Variants in KIAA0319L observed in about 807,000 individuals in gnomAD.
KIAA0319L encodes the protein dyslexia-associated protein KIAA0319-like protein.
A neutral mutation model predicts 120.1 loss-of-function variants in KIAA0319L; 55 were observed. The ratio of observed to expected loss-of-function variants is 0.46; its 90% CI spans 0.37 to 0.57. KIAA0319L has a LOEUF of 0.57. KIAA0319L is among the 20% of genes least tolerant of loss of function. The pLI is 0.00. For synonymous variants in KIAA0319L, 398 were observed against 471.9 expected, an observed-to-expected ratio of 0.84 and a Z score of 2.03; for missense variants, 1,049 against 1,255.3, an observed-to-expected ratio of 0.84 and a Z score of 2.48.
In KIAA0319L at chr1:35,453,646, C is replaced by T. The variant is rs977424325; in HGVS notation, c.1824G>A (p.Glu608=). Residue 608 remains glutamate (E), a synonymous_variant, in exon 12 of 21, where the codon GAG becomes GAA. Transcript: ENST00000325722. The surrounding 1 kb of genome is among the most constrained non-coding windows in gnomAD (Gnocchi z 4.1). ...TTGTGCTATCCACAGGAAGGGTCAG[C>T]TCTTTATCTGGGCCTGCATCTGCCT... ...PPQADAGPDK[E]LTLPVDSTTL... is the part of the protein sequence containing the mutation. 21 of 1,613,998 alleles carry T rather than the reference C, an allele frequency of 1.3e-5. No homozygotes were observed. The highest frequency in any genetic ancestry group is 1.7e-5 in the Non-Finnish European group (20 of 1,179,940).
At position 35,506,677 on chromosome 1, in the gene KIAA0319L, T is replaced by C. The variant is rs1353845169; in HGVS notation, c.601A>G (p.Thr201Ala). 2 of 1,614,202 alleles carry C rather than the reference T, an allele frequency of 1.2e-6. No homozygotes were observed. The highest frequency in any genetic ancestry group is 1.1e-5 in the South Asian group (1 of 91,080). Residue 201 changes from threonine to alanine, a missense_variant, in exon 3 of 21, where the codon ACA becomes GCA. By Grantham distance (58) the Thr-to-Ala change is moderately conservative (BLOSUM62 0). Coordinates refer to ENST00000325722, the MANE Select transcript of KIAA0319L (RefSeq NM_024874.5). This position sits in a 1 kb window ranked among gnomAD's most constrained non-coding sequence, Gnocchi z 4.0. The part of the protein sequence containing the change: ...SPSDVVTPIV[T>A]QHSKVNDSNE... ...GAGTCATTCACTTTAGAATGCTGTG[T>C]CACTATAGGTGTAACTACGTCACTG...
chr1:35,521,747 C>T (rs1224121648), intron 2 of KIAA0319L, among the ~76,000 whole-genome samples: 1 of 151,474 alleles, frequency 6.6e-6, no homozygotes, highest in Non-Finnish European at 1.5e-5. Context: ...CCAAGGTGGG[C>T]GGATCACGAG....
At chr1:35,483,091 G>A (rs558006489) in intron 3 of KIAA0319L, among the ~76,000 whole-genome samples, 87 of 152,150 alleles carry the variant, frequency 5.7e-4, no homozygotes, top group African/African-American at 2.0e-3. Context: ...TTTTTAAAAT[G>A]GGTTACTAGT....
chr1:35,446,376 C>T (rs895215702), intron 16 of KIAA0319L, among the ~76,000 whole-genome samples: 1 of 152,032 alleles, frequency 6.6e-6, no homozygotes, highest in Non-Finnish European at 1.5e-5. Context: ...ACAAGGACCA[C>T]AATGAAAAAA....
chr1:35,436,499 G>A (rs972618354), intron 20 of KIAA0319L, among the ~76,000 whole-genome samples: 5 of 152,164 alleles, frequency 3.3e-5, no homozygotes, highest in African/African-American at 1.2e-4. Flanking sequence ...CCTGGCAAGG[G>A]CCCAGGTCCT....
In KIAA0319L at chr1:35,535,812, C is replaced by T. The variant is rs183301939; in HGVS notation, c.142+18538G>A. ...ACCTCTATCATAGCATTTCTCTCAC[C>T]AGATCATATTTGTTTGTCTACCTCA... On this transcript the variant is annotated intron_variant, in intron 2 of 20. Coordinates refer to ENST00000325722, the MANE Select transcript of KIAA0319L (RefSeq NM_024874.5). Among the ~76,000 whole-genome samples the T allele has an allele frequency of 5.2e-3, 794 of 152,230 alleles. 5 individuals carry two copies. The highest frequency in any genetic ancestry group is 8.7e-3 in the Non-Finnish European group (592 of 68,030).
chr1:35,556,315 C>T (rs978120095), intron 1 of KIAA0319L, among the ~76,000 whole-genome samples: 1 of 152,200 alleles, frequency 6.6e-6, no homozygotes, highest in African/African-American at 2.4e-5. Context: ...CAACTACATA[C>T]GTGGAACTCC....
intron 8 of KIAA0319L, 87 bp from the exon 9 acceptor site, chr1:35,460,524 G>C (rs1400732134): frequency 1.7e-6 from 2 of 1,207,288 alleles, no homozygotes; most frequent in Admixed American, 4.7e-5. Context: ...CAACTACCCA[G>C]AGATTTGAAG....
intron 2 of KIAA0319L, among the ~76,000 whole-genome samples, chr1:35,531,820 T>G (rs902450231): frequency 8.5e-5 from 13 of 152,292 alleles, no homozygotes; most frequent in African/African-American, 2.9e-4. Flanking sequence ...CTTGAAAGAC[T>G]CGGGCCCTTA....
intron 2 of KIAA0319L, among the ~76,000 whole-genome samples, chr1:35,536,549 G>A (rs1197654182): frequency 6.6e-6 from 1 of 152,206 alleles, no homozygotes; most frequent in Non-Finnish European, 1.5e-5. Context: ...AGGAAAAACA[G>A]AAAAAGATAC....
intron 2 of KIAA0319L, among the ~76,000 whole-genome samples, chr1:35,540,433 T>C (rs1646744560): frequency 6.6e-6 from 1 of 152,220 alleles, no homozygotes; most frequent in African/African-American, 2.4e-5. Flanking sequence ...TGCAGAAGAC[T>C]TTCAAGTGCT....
At chr1:35,464,791 G>T (rs1643137321) in intron 7 of KIAA0319L, among the ~76,000 whole-genome samples, 1 of 152,240 alleles carries the variant, frequency 6.6e-6, no homozygotes, top group Admixed American at 6.5e-5. Context: ...GGTTCTCAGT[G>T]CTGTGTGCAG....
chr1:35,514,635 A>C (rs1397147820), intron 2 of KIAA0319L, among the ~76,000 whole-genome samples: 1 of 152,232 alleles, frequency 6.6e-6, no homozygotes, highest in Non-Finnish European at 1.5e-5. Context: ...AGATCAAAAA[A>C]GACAAAGAAA....
intron 2 of KIAA0319L, among the ~76,000 whole-genome samples, chr1:35,525,610 A>G (rs1395105529): frequency 6.6e-6 from 1 of 152,124 alleles, no homozygotes; most frequent in Admixed American, 6.5e-5. Context: ...GTGATGTTGA[A>G]CATTTTTTCA....
At chr1:35,497,711 C>A (rs1644862502) in intron 3 of KIAA0319L, among the ~76,000 whole-genome samples, 1 of 152,136 alleles carries the variant, frequency 6.6e-6, no homozygotes, top group Non-Finnish European at 1.5e-5. Context: ...AAAGGAGTAA[C>A]AAAAGAGCCA....
chr1:35,546,719 G>A (rs1225833710), intron 2 of KIAA0319L, among the ~76,000 whole-genome samples: 2 of 152,146 alleles, frequency 1.3e-5, no homozygotes, highest in Admixed American at 6.6e-5. Context: ...AACTGAATAC[G>A]TATTAGGCCC....
chr1:35,523,330 C>G (rs1007824347), intron 2 of KIAA0319L, among the ~76,000 whole-genome samples: 1 of 152,178 alleles, frequency 6.6e-6, no homozygotes, highest in Non-Finnish European at 1.5e-5. Flanking sequence ...TTCTTTTATT[C>G]TTTTACCCCT....
chr1:35,507,236 G>A (rs1645240489), intron 2 of KIAA0319L, 101 bp from the exon 3 acceptor site: 14 of 1,173,418 alleles, frequency 1.2e-5, no homozygotes, highest in Non-Finnish European at 1.3e-5. Context: ...TTTTGAAGAC[G>A]AGTTTTTAAG....
intron 3 of KIAA0319L, among the ~76,000 whole-genome samples, chr1:35,485,535 A>C (rs1340520756): frequency 6.6e-6 from 1 of 152,236 alleles, no homozygotes; most frequent in East Asian, 1.9e-4. Flanking sequence ...CTGCACATGC[A>C]GGTAACTTCC....
Sources: allele counts gnomAD v4.1 joint callset (sites outside exome capture counted in the v4.1 genomes callset), GRCh38; gene constraint gnomAD v4.1.1; non-coding constraint Gnocchi (gnomAD v3.1); transcripts MANE v1.5; gene names NCBI Gene and HGNC (gene_info 2026-07-23, HGNC 2026-07-21).